The following PTPRD variants were observed in gnomAD, a reference collection of about 807,000 sequenced individuals.
PTPRD encodes receptor-type tyrosine-protein phosphatase delta.
PTPRD carries 34 observed loss-of-function variants against 214.5 expected under a neutral mutation model. That is an observed-to-expected ratio of 0.16 (90% CI 0.12 to 0.21). PTPRD has a LOEUF of 0.21. PTPRD is among the 10% of genes least tolerant of loss of function. The pLI, the probability that PTPRD is intolerant of heterozygous loss-of-function variation, is 1.00. For missense variants in PTPRD, 2,545 were observed against 2,398.7 expected (o/e 1.06, Z -1.27); for synonymous variants, 1,128 against 845.7 (o/e 1.33, Z -5.79).
rs376362092 is a variant in PTPRD at position 9,954,940 on chromosome 9, T to C, written c.-471-16330A>G. ...CAAAACTCAGTTTTAATATTAAACC[T>C]CTATTAAGATAAAGATACCATTTCA... On this transcript the variant is annotated intron_variant, in intron 4 of 45. Transcript: ENST00000381196. Among the ~76,000 whole-genome samples, 234 of 152,252 alleles carry C rather than the reference T, an allele frequency of 1.5e-3. 8 individuals carry two copies. In the South Asian group the frequency reaches 0.047, roughly 31 times the overall value.
At chr9:8,333,074 T>C (rs1843079070) in intron 43 of PTPRD, among the ~76,000 whole-genome samples, 2 of 152,198 alleles carry the variant, frequency 1.3e-5, no homozygotes, top group Non-Finnish European at 1.5e-5. Context: ...ACATGCCAGA[T>C]TCCTGACTGA....
At chr9:9,742,580 C>G (rs2098415236) in intron 6 of PTPRD, among the ~76,000 whole-genome samples, 2 of 151,972 alleles carry the variant, frequency 1.3e-5, no homozygotes, top group Non-Finnish European at 2.9e-5. Context: ...TGTTTAGGAA[C>G]ATGTTATGCT....
chr9:9,852,212 A>G (rs1047775594), intron 5 of PTPRD, among the ~76,000 whole-genome samples: 3 of 152,174 alleles, frequency 2.0e-5, no homozygotes, highest in African/African-American at 7.2e-5. Context: ...GGATTTTTGC[A>G]AAAATAAAAT....
chr9:9,536,435 C>T (rs1258588448), intron 8 of PTPRD, among the ~76,000 whole-genome samples: 1 of 151,832 alleles, frequency 6.6e-6, no homozygotes, highest in Non-Finnish European at 1.5e-5. Flanking sequence ...TAATTATTTG[C>T]CTAAGAAACA....
intron 33 of PTPRD, among the ~76,000 whole-genome samples, chr9:8,452,870 C>T (rs1009590929): frequency 6.6e-6 from 1 of 152,126 alleles, no homozygotes; most frequent in Admixed American, 6.5e-5. Flanking sequence ...AGTGAAAGAT[C>T]AATTCATGGT....
intron 10 of PTPRD, among the ~76,000 whole-genome samples, chr9:9,140,873 C>T (rs868216970): frequency 3.3e-4 from 50 of 152,102 alleles, no homozygotes; most frequent in African/African-American, 1.2e-3. Flanking sequence ...CCACCGTACC[C>T]GGCCAAACAG....
chr9:9,582,657 A>G (rs1023193887), intron 7 of PTPRD, among the ~76,000 whole-genome samples: 2 of 152,090 alleles, frequency 1.3e-5, no homozygotes, highest in African/African-American at 4.8e-5. Context: ...TGTTATTTTT[A>G]AAAGTTCCTT....
intron 9 of PTPRD, among the ~76,000 whole-genome samples, chr9:9,289,882 T>C (rs1216369961): frequency 1.3e-5 from 2 of 151,734 alleles, no homozygotes; most frequent in East Asian, 3.9e-4. Context: ...GTTGCTTCCA[T>C]ATCTTAGCTA....
intron 11 of PTPRD, among the ~76,000 whole-genome samples, chr9:8,759,571 A>C (rs377087346): frequency 6.0e-5 from 9 of 150,402 alleles, no homozygotes; most frequent in African/African-American, 2.2e-4. Flanking sequence ...TCTAGCTCCC[A>C]GTATTTTAAT....
intron 3 of PTPRD, among the ~76,000 whole-genome samples, chr9:10,245,752 G>A (rs977135957): frequency 3.3e-5 from 5 of 152,128 alleles, no homozygotes; most frequent in African/African-American, 1.2e-4. Flanking sequence ...TGGGACAGGG[G>A]GAAGACAGAT....
At chr9:9,536,791 C>T (rs1207345181) in intron 8 of PTPRD, among the ~76,000 whole-genome samples, 1 of 152,046 alleles carries the variant, frequency 6.6e-6, no homozygotes, top group African/African-American at 2.4e-5. Context: ...AAAGCCCCTT[C>T]TCATTTAACT....
intron 3 of PTPRD, among the ~76,000 whole-genome samples, chr9:10,160,914 A>G (rs1407461477): frequency 6.6e-6 from 1 of 151,982 alleles, no homozygotes; most frequent in African/African-American, 2.4e-5. Flanking sequence ...TAGCAGTTAT[A>G]TAATTCTTCA....
intron 10 of PTPRD, among the ~76,000 whole-genome samples, chr9:9,158,231 C>A (rs2099883031): frequency 6.6e-6 from 1 of 152,072 alleles, no homozygotes; most frequent in Admixed American, 6.6e-5. Flanking sequence ...TGGCTATATA[C>A]CTGTAGTGGG....
intron 34 of PTPRD, 123 bp from the exon 35 acceptor site, chr9:8,436,812 T>G: frequency 1.4e-6 from 1 of 739,724 alleles, no homozygotes; most frequent in Non-Finnish European, 2.2e-6. Flanking sequence ...TAAAGATGTT[T>G]TAGGTGAGGA....
At chr9:9,863,941 AGTTG>A (rs1445695651) in intron 5 of PTPRD, among the ~76,000 whole-genome samples, 2 of 152,086 alleles carry the variant, frequency 1.3e-5, no homozygotes, top group Non-Finnish European at 2.9e-5. Context: ...AGTTATTTTG[AGTTG>A]GTTGATTTCT....
intron 9 of PTPRD, among the ~76,000 whole-genome samples, chr9:9,304,170 C>T (rs1031275539): frequency 6.6e-6 from 1 of 151,992 alleles, no homozygotes; most frequent in Non-Finnish European, 1.5e-5. Flanking sequence ...AAAAGAAGTT[C>T]CCTCAACAAT....
At chr9:8,680,987 C>T (rs905543092) in intron 12 of PTPRD, among the ~76,000 whole-genome samples, 2 of 152,178 alleles carry the variant, frequency 1.3e-5, no homozygotes, top group Admixed American at 6.6e-5. Flanking sequence ...AACACATTTT[C>T]CTATATTTCC....
intron 9 of PTPRD, among the ~76,000 whole-genome samples, chr9:9,219,767 C>A (rs923857230): frequency 4.6e-5 from 7 of 151,580 alleles, no homozygotes; most frequent in Non-Finnish European, 8.8e-5. Context: ...AGAATTCTAA[C>A]CTCCACCCTG....
At position 10,534,886 on chromosome 9, in the gene PTPRD, C is replaced by G. The variant is rs543590345; in HGVS notation, c.-600+77512G>C. Among the ~76,000 whole-genome samples the G allele has an allele frequency of 4.6e-5, 7 of 152,158 alleles. No homozygotes were observed. In the South Asian group the frequency reaches 1.4e-3, roughly 32 times the overall value. Reference sequence around the variant, plus strand: ...TGTGCAGATGGCACAAAACTGGTGTCTGGTCTCAAAGGAACTATTTGACCA... The same window carrying G: ...TGTGCAGATGGCACAAAACTGGTGTGTGGTCTCAAAGGAACTATTTGACCA... On this transcript the variant is annotated intron_variant, in intron 2 of 45. Transcript: ENST00000381196.
Sources: gnomAD v4.1 joint callset for allele counts (sites outside exome capture counted in the v4.1 genomes callset) on GRCh38, gnomAD v4.1.1 for gene constraint, MANE v1.5 for transcripts, NCBI Gene and HGNC (gene_info 2026-07-23, HGNC 2026-07-21) for gene names.